Variants in NKAIN2 observed in about 807,000 individuals in gnomAD.
NKAIN2 encodes the protein sodium/potassium-transporting ATPase subunit beta-1-interacting protein 2.
A neutral mutation model predicts 32.6 loss-of-function variants in NKAIN2; 14 were observed. The observed-to-expected ratio is 0.43, with a 90% confidence interval of 0.28 to 0.67. The LOEUF (loss-of-function observed/expected upper bound fraction) is 0.67. Ranked by LOEUF, NKAIN2 falls within the 30% of genes least tolerant of loss-of-function variation. The pLI is 0.17. For missense variants in NKAIN2, 198 were observed against 258.3 expected, an observed-to-expected ratio of 0.77 and a Z score of 1.60; for synonymous variants, 80 against 87.2, an observed-to-expected ratio of 0.92 and a Z score of 0.46.
intron 3 of NKAIN2, among the ~76,000 whole-genome samples, chr6:124,468,821 C>G (rs936252769): frequency 2.0e-5 from 3 of 152,140 alleles, no homozygotes; most frequent in Admixed American, 1.3e-4. Flanking sequence ...AACAAATACA[C>G]TAACATTTTG....
intron 1 of NKAIN2, among the ~76,000 whole-genome samples, chr6:124,155,275 A>G (rs1787926484): frequency 6.6e-6 from 1 of 152,140 alleles, no homozygotes; most frequent in Non-Finnish European, 1.5e-5. Context: ...TCTAGTTAAC[A>G]TTAATATATA....
At chr6:124,758,316 G>A (rs1479680409) in intron 4 of NKAIN2, among the ~76,000 whole-genome samples, 1 of 152,062 alleles carries the variant, frequency 6.6e-6, no homozygotes, top group Admixed American at 6.6e-5. Context: ...GGTGGGGCCT[G>A]TTGGAGGTGA....
chr6:124,658,960 A>AT (rs141749611), intron 4 of NKAIN2: 56,246 of 146,746 alleles, frequency 0.38, 10,595 homozygotes, highest in African/African-American at 0.44. Context: ...TGTAACAATA[A>AT]AAAAAAAAAA....
At chr6:124,789,822 G>A (rs1316117785) in intron 4 of NKAIN2, among the ~76,000 whole-genome samples, 1 of 151,958 alleles carries the variant, frequency 6.6e-6, no homozygotes, top group Admixed American at 6.6e-5. Context: ...AGAGAAACAT[G>A]CTGATTTGAT....
intron 1 of NKAIN2, among the ~76,000 whole-genome samples, chr6:124,031,323 C>G (rs1036145330): frequency 6.6e-6 from 1 of 151,894 alleles, no homozygotes; most frequent in Non-Finnish European, 1.5e-5. Context: ...GTCTTGCTAG[C>G]GGTCTATCCA....
At chr6:124,709,121 G>A (rs1011473658) in intron 4 of NKAIN2, among the ~76,000 whole-genome samples, 1 of 133,080 alleles carries the variant, frequency 7.5e-6, no homozygotes, top group African/African-American at 2.9e-5. Context: ...CTTTGGCTCT[G>A]TTTATATGCT....
At chr6:124,184,270 G>A (rs138640383) in intron 1 of NKAIN2, among the ~76,000 whole-genome samples, 17 of 151,968 alleles carry the variant, frequency 1.1e-4, no homozygotes, top group African/African-American at 3.9e-4. Flanking sequence ...CAAACTAGAT[G>A]TTATCTCTAC....
At chr6:124,151,239 A>G (rs1478249294) in intron 1 of NKAIN2, among the ~76,000 whole-genome samples, 1 of 152,020 alleles carries the variant, frequency 6.6e-6, no homozygotes, top group Non-Finnish European at 1.5e-5. Context: ...TTTCAATATG[A>G]ATTTAATTCA....
At chr6:123,980,955 C>G (rs553290113) in intron 1 of NKAIN2, among the ~76,000 whole-genome samples, 3 of 151,678 alleles carry the variant, frequency 2.0e-5, no homozygotes, top group Non-Finnish European at 4.4e-5. Flanking sequence ...CTGCAACCTC[C>G]ACCTCCCAGG....
At chr6:123,960,456 G>A (rs1267269880) in intron 1 of NKAIN2, among the ~76,000 whole-genome samples, 2 of 152,176 alleles carry the variant, frequency 1.3e-5, no homozygotes, top group African/African-American at 4.8e-5. Context: ...TATCCAGAGA[G>A]CTTCTTTTTC....
chr6:124,039,598 G>A (rs1180018201), intron 1 of NKAIN2, among the ~76,000 whole-genome samples: 1 of 151,572 alleles, frequency 6.6e-6, no homozygotes, highest in Admixed American at 6.6e-5. Flanking sequence ...AATATCTATT[G>A]ACTGCCTTTC....
At chr6:123,820,965 C>G (rs1489512306) in intron 1 of NKAIN2, among the ~76,000 whole-genome samples, 1 of 152,132 alleles carries the variant, frequency 6.6e-6, no homozygotes, top group Non-Finnish European at 1.5e-5. Context: ...ATGAATATAT[C>G]ACAAACCATA....
intron 1 of NKAIN2, among the ~76,000 whole-genome samples, chr6:123,962,476 A>G (rs191301485): frequency 5.1e-4 from 77 of 152,252 alleles, no homozygotes; most frequent in African/African-American, 1.8e-3. Context: ...TCATATTTTC[A>G]ATTGCTGATG....
At chr6:123,875,731 C>T (rs932978587) in intron 1 of NKAIN2, among the ~76,000 whole-genome samples, 1 of 151,894 alleles carries the variant, frequency 6.6e-6, no homozygotes, top group Non-Finnish European at 1.5e-5. Flanking sequence ...ATCTACTTGT[C>T]TTCTATAGCT....
chr6:124,630,147 T>C (rs1004765316), intron 3 of NKAIN2, among the ~76,000 whole-genome samples: 1 of 152,166 alleles, frequency 6.6e-6, no homozygotes, highest in Non-Finnish European at 1.5e-5. Flanking sequence ...TATTGGTATT[T>C]AGAAGTATAT....
chr6:124,588,797 A>G (rs1781803865), intron 3 of NKAIN2, among the ~76,000 whole-genome samples: 1 of 152,152 alleles, frequency 6.6e-6, no homozygotes, highest in Non-Finnish European at 1.5e-5. Context: ...GGGACCATAG[A>G]GAGATTGATC....
intron 3 of NKAIN2, among the ~76,000 whole-genome samples, chr6:124,627,228 T>TCAC (rs1783388477): frequency 6.6e-6 from 1 of 151,814 alleles, no homozygotes; most frequent in Admixed American, 6.6e-5. Flanking sequence ...CAAGATCACA[T>TCAC]CACTGCACTC....
chr6:124,201,185 C>T (rs1386030811), intron 1 of NKAIN2, among the ~76,000 whole-genome samples: 2 of 152,020 alleles, frequency 1.3e-5, no homozygotes, highest in African/African-American at 4.8e-5. Context: ...CTGTTGGCAT[C>T]TGATTTTCTC....
chr6:123,895,284 C>G (rs1774228481), intron 1 of NKAIN2, among the ~76,000 whole-genome samples: 1 of 152,082 alleles, frequency 6.6e-6, no homozygotes, highest in East Asian at 1.9e-4. Context: ...GCTTGTGGTT[C>G]TCTTTGCCCA....
Sources: gnomAD v4.1 joint callset for allele counts (sites outside exome capture counted in the v4.1 genomes callset) on GRCh38, gnomAD v4.1.1 for gene constraint, MANE v1.5 for transcripts, NCBI Gene and HGNC (gene_info 2026-07-23, HGNC 2026-07-21) for gene names.